The following TG variants were observed in gnomAD, a reference collection of about 807,000 sequenced individuals.
TG encodes the protein thyroglobulin, also known as thyroid hormones.
In TG, 270 loss-of-function variants were observed where a neutral mutation model predicts 324.7. The observed-to-expected ratio is 0.83, with a 90% confidence interval of 0.75 to 0.92. The LOEUF (loss-of-function observed/expected upper bound fraction) is 0.92, where lower values mean the gene tolerates loss of function less well. Among genes scored for constraint, TG ranks in the 40% least tolerant of loss-of-function variants. The pLI is 0.00. For missense variants in TG, 3,591 were observed against 3,456.4 expected (o/e 1.04, Z -0.98); for synonymous variants, 1,401 against 1,327.0 (o/e 1.06, Z -1.21).
chr8:133,096,935 C>T (rs1052870804), intron 43 of TG, among the ~76,000 whole-genome samples: 15 of 152,224 alleles, frequency 9.9e-5, no homozygotes, highest in African/African-American at 2.4e-5. Flanking sequence ...TGCACAGTTC[C>T]TGCTCTCGCC....
chr8:132,908,068 C>A, intron 17 of TG, 118 bp from the exon 18 acceptor site: 1 of 1,136,686 alleles, frequency 8.8e-7, no homozygotes, highest in Non-Finnish European at 1.3e-6. Flanking sequence ...TGCAAAATGG[C>A]AGTGCTTATG....
chr8:132,912,497 A>G (rs1223066907), intron 19 of TG, among the ~76,000 whole-genome samples: 2 of 151,370 alleles, frequency 1.3e-5, no homozygotes, highest in East Asian at 2.0e-4. Flanking sequence ...TCTTCCTAGG[A>G]ACTACTTATC....
At chr8:133,086,653 C>A (rs1284425549) in intron 41 of TG, among the ~76,000 whole-genome samples, 2 of 152,160 alleles carry the variant, frequency 1.3e-5, no homozygotes, top group Non-Finnish European at 2.9e-5. Flanking sequence ...GCAGTATTGT[C>A]TGTAACATCA....
intron 43 of TG, chr8:133,102,382 C>T (rs1017779048): frequency 6.9e-6 from 4 of 575,602 alleles, no homozygotes; most frequent in Non-Finnish European, 6.3e-6. Flanking sequence ...CCAAGTCCTG[C>T]CCCCTGGAGC....
intron 22 of TG, among the ~76,000 whole-genome samples, chr8:132,923,732 G>T (rs1460776583): frequency 2.6e-5 from 4 of 152,064 alleles, no homozygotes; most frequent in Non-Finnish European, 5.9e-5. Context: ...GAATCATTTG[G>T]TATGTAAATT....
intron 20 of TG, among the ~76,000 whole-genome samples, chr8:132,918,224 G>T (rs1312896587): frequency 6.6e-6 from 1 of 152,200 alleles, no homozygotes; most frequent in Non-Finnish European, 1.5e-5. Flanking sequence ...ATTTGCAGCG[G>T]AAGTTAAGTT....
chr8:132,911,457 T>C lies in TG; in HGVS notation c.4083T>C (p.Arg1361=), dbSNP rs1819513732. ...SVQVGCLTRE[R]LGVNVTWKSR... ...AGGTGGGTTGTCTGACCAGGGAGCG[T>C]TTAGGAGTGAATGTTACATGGAAAT... is the stretch of plus-strand genomic sequence containing the variant. The change falls in exon 19 of 48, where the codon CGT becomes CGC. Residue 1361 remains arginine, a synonymous_variant. Transcript: ENST00000220616. The C allele has an allele frequency of 1.2e-6, 2 of 1,614,118 alleles. No homozygotes were observed. Among genetic ancestry groups the C allele is most frequent in the Non-Finnish European group, 1.7e-6 (2 of 1,180,020 alleles).
intron 40 of TG, among the ~76,000 whole-genome samples, chr8:133,024,601 C>T (rs559488454): frequency 6.6e-6 from 1 of 151,762 alleles, no homozygotes; most frequent in South Asian, 2.1e-4. Flanking sequence ...GTTGTTTCCC[C>T]TCCCTGTGTC....
chr8:132,959,583 CA>C (rs1827459948), intron 27 of TG, among the ~76,000 whole-genome samples: 1 of 152,132 alleles, frequency 6.6e-6, no homozygotes, highest in African/African-American at 2.4e-5. Flanking sequence ...CACACAACAA[CA>C]AAATTGCATT....
chr8:132,894,032 C>T, intron 11 of TG, 103 bp downstream of exon 11: 1 of 1,577,652 alleles, frequency 6.3e-7, no homozygotes, highest in Non-Finnish European at 8.7e-7. Context: ...GGTTTGGCTT[C>T]CCCAGACTGA....
chr8:133,121,535 TG>T (rs1272397285), intron 45 of TG, among the ~76,000 whole-genome samples: 1 of 152,210 alleles, frequency 6.6e-6, no homozygotes, highest in Non-Finnish European at 1.5e-5. Context: ...GTAGCGGTAT[TG>T]CTATTCTTAT....
At chr8:133,038,516 G>A (rs371147228) in intron 41 of TG, 1 of 1,598,068 alleles carries the variant, frequency 6.3e-7, no homozygotes, top group African/African-American at 1.3e-5. Context: ...CATTGTGTCT[G>A]TTCTTGGCTA....
chr8:132,888,426 T>A lies in TG; in HGVS notation c.2619T>A (p.Asn873Lys). The A allele has an allele frequency of 6.2e-7, 1 of 1,613,328 alleles. No homozygotes were observed. The highest frequency in any genetic ancestry group is 8.5e-7 in the Non-Finnish European group (1 of 1,179,374). Residue 873 changes from asparagine to lysine, a missense_variant, in exon 10 of 48, where the codon AAT (asparagine) becomes AAA (lysine). Coordinates refer to ENST00000220616, the MANE Select transcript of TG (RefSeq NM_003235.5). ...CCTACCTCTTCTGGCAGATCTTAAA[T>A]GGCCAACTCAGCCAATACCCGGGGT... The part of the protein sequence containing the change: ...LEPYLFWQIL[N>K]GQLSQYPGSY...
At chr8:132,971,460 C>A (rs979514755) in intron 32 of TG, among the ~76,000 whole-genome samples, 1 of 152,094 alleles carries the variant, frequency 6.6e-6, no homozygotes, top group Admixed American at 6.5e-5. Context: ...CTTCTGCTTA[C>A]CTGAAAGGAT....
intron 41 of TG, among the ~76,000 whole-genome samples, chr8:133,094,017 C>A (rs533589115): frequency 6.6e-6 from 1 of 152,290 alleles, no homozygotes; most frequent in East Asian, 1.9e-4. Flanking sequence ...ACCACCACTG[C>A]CTCCCCTGGT....
intron 35 of TG, among the ~76,000 whole-genome samples, chr8:132,989,398 G>A (rs552199230): frequency 2.8e-4 from 42 of 152,198 alleles, no homozygotes; most frequent in Non-Finnish European, 4.9e-4. Context: ...AAATGCTCCC[G>A]CCATTGACTT....
chr8:132,974,786 A>G (rs1200132622), intron 34 of TG, among the ~76,000 whole-genome samples: 1 of 152,182 alleles, frequency 6.6e-6, no homozygotes, highest in Non-Finnish European at 1.5e-5. Flanking sequence ...CCAACATGAA[A>G]GATCCAGATG....
intron 21 of TG, among the ~76,000 whole-genome samples, chr8:132,920,782 T>A (rs903993065): frequency 1.3e-5 from 2 of 152,232 alleles, no homozygotes; most frequent in Admixed American, 6.5e-5. Flanking sequence ...CACTGTGACC[T>A]AGACAAAGCT....
At position 132,963,161 on chromosome 8, in the gene TG, C is replaced by T. The variant is rs2687814; in HGVS notation, c.5548+87C>T. ...ACCAAGAGTTTAATCAATGAACGGA[C>T]GTATTGACATCACTCTATTCTGTAT... On this transcript the variant is annotated intron_variant, in intron 29 of 47. Transcript: ENST00000220616. 575,431 of 1,178,992 alleles carry T rather than the reference C, an allele frequency of 0.49. 147,318 individuals carry two copies. The highest frequency in any genetic ancestry group is 0.59 in the Admixed American group (35,104 of 59,184). 73.0% of individuals were successfully genotyped at this position (1,178,992 alleles called of 1,614,324 possible).
Sources: allele counts gnomAD v4.1 joint callset (sites outside exome capture counted in the v4.1 genomes callset), GRCh38; gene constraint gnomAD v4.1.1; transcripts MANE v1.5; gene names NCBI Gene and HGNC (gene_info 2026-07-23, HGNC 2026-07-21).